The following PTPRQ variants were observed in gnomAD, a reference collection of about 807,000 sequenced individuals.
PTPRQ encodes the protein phosphatidylinositol phosphatase PTPRQ.
A neutral mutation model predicts 246.0 loss-of-function variants in PTPRQ; 199 were observed. That is an observed-to-expected ratio of 0.81 (90% confidence interval 0.72 to 0.91). PTPRQ has a LOEUF of 0.91. Among genes scored for constraint, PTPRQ ranks in the 40% least tolerant of loss-of-function variants. PTPRQ has a pLI of 0.00. For synonymous variants in PTPRQ, 869 were observed against 853.2 expected, an observed-to-expected ratio of 1.02 and a Z score of -0.32; for missense variants, 2,624 against 2,528.4, an observed-to-expected ratio of 1.04 and a Z score of -0.81.
intron 6 of PTPRQ, among the ~76,000 whole-genome samples, chr12:80,461,728 G>T (rs1376094446): frequency 6.6e-6 from 1 of 150,394 alleles, no homozygotes; most frequent in South Asian, 2.1e-4. Flanking sequence ...ACTAAAGCAT[G>T]TTTTTTCTGA....
chr12:80,466,577 G>A (rs949099898), intron 6 of PTPRQ, among the ~76,000 whole-genome samples: 4 of 152,288 alleles, frequency 2.6e-5, no homozygotes, highest in Admixed American at 6.5e-5. Flanking sequence ...GAACAAAGCT[G>A]GAGGCATCAC....
At position 80,468,727 on chromosome 12, in the gene PTPRQ, CA is replaced by C; in HGVS notation, c.932del (p.Asn311ThrfsTer3). On this transcript the variant is annotated frameshift_variant, in exon 7 of 45. Coordinates refer to ENST00000644991, the MANE Select transcript of PTPRQ (RefSeq NM_001145026.2). LOFTEE classifies it high-confidence loss of function. ...TATTTTAGTGCCTGAAGGACCACCA[CA>C]AAACTGCGTAACAGGCAACATCACA... The part of the protein sequence containing the change: ...TPESVPEGPP[Q>X]NCVTGNITGK... The C allele has an allele frequency of 6.5e-7, 1 of 1,546,384 alleles. No individual in the cohort carries two copies.
At chr12:80,461,283 C>T (rs904478527) in intron 6 of PTPRQ, among the ~76,000 whole-genome samples, 3 of 152,130 alleles carry the variant, frequency 2.0e-5, no homozygotes, top group Non-Finnish European at 4.4e-5. Flanking sequence ...ACTAGCAGAA[C>T]GAGCATGTGA....
At chr12:80,578,348 C>G (rs1384242401) in intron 25 of PTPRQ, among the ~76,000 whole-genome samples, 1 of 150,044 alleles carries the variant, frequency 6.7e-6, no homozygotes, top group Non-Finnish European at 1.5e-5. Flanking sequence ...ATTTTTTTTC[C>G]CATCCCAAAA....
chr12:80,637,960 T>C (rs1184479419), intron 35 of PTPRQ, among the ~76,000 whole-genome samples: 1 of 152,104 alleles, frequency 6.6e-6, no homozygotes, highest in Non-Finnish European at 1.5e-5. Context: ...ACTTCCATAA[T>C]TTCTCTTAAA....
chr12:80,518,921 G>GT (rs926516704), intron 17 of PTPRQ, among the ~76,000 whole-genome samples: 3 of 152,034 alleles, frequency 2.0e-5, no homozygotes, highest in African/African-American at 7.2e-5. Context: ...GATTCCTCCA[G>GT]TTTTTTCTTT....
At chr12:80,637,882 A>C (rs1899716157) in intron 35 of PTPRQ, among the ~76,000 whole-genome samples, 1 of 152,172 alleles carries the variant, frequency 6.6e-6, no homozygotes, top group Admixed American at 6.5e-5. Flanking sequence ...GAGAATCAAG[A>C]AGTCTGATTT....
chr12:80,506,548 AC>A lies in PTPRQ; in HGVS notation c.2456-19del. ...AATGATATTTTGTAAGTTTCAACTTACCTATTTGATTTCTCTTTAGTACTGA... is the reference window on the plus strand; with the variant it reads ...AATGATATTTTGTAAGTTTCAACTTACTATTTGATTTCTCTTTAGTACTGA... On this transcript the variant is annotated intron_variant, in intron 15 of 44. Transcript: ENST00000644991. 1 of 1,473,428 alleles carries A rather than the reference AC, an allele frequency of 6.8e-7. No homozygotes were observed. The highest frequency in any genetic ancestry group is 1.4e-5 in the African/African-American group (1 of 70,624). The allele number at this position is 1,473,428 out of a possible 1,614,324, so 91.3% of individuals were successfully genotyped here. A position where few individuals can be genotyped will look rare whatever the true frequency, so the allele number is the denominator to read the frequency against.
intron 3 of PTPRQ, chr12:80,454,513 G>C (rs564831858): frequency 5.7e-6 from 4 of 702,444 alleles, no homozygotes; most frequent in Admixed American, 2.0e-5. Flanking sequence ...TGTTCAATAG[G>C]ATTGGTGAGA....
intron 3 of PTPRQ, chr12:80,454,504 G>T: frequency 2.8e-6 from 2 of 702,402 alleles, no homozygotes; most frequent in Non-Finnish European, 5.2e-6. Flanking sequence ...CCAGTACTGT[G>T]TTCAATAGGA....
At chr12:80,626,167 A>T (rs11114532) in intron 33 of PTPRQ, among the ~76,000 whole-genome samples, 340 of 152,302 alleles carry the variant, frequency 2.2e-3, no homozygotes, top group Non-Finnish European at 3.9e-3. Context: ...CCAAAGGATT[A>T]CTTCCCTAAA....
chr12:80,510,221 C>G, intron 16 of PTPRQ, 102 bp from the exon 17 acceptor site: 2 of 1,199,270 alleles, frequency 1.7e-6, no homozygotes, highest in African/African-American at 1.6e-5. Context: ...GAACCTAATT[C>G]CTTTACCAGA....
intron 39 of PTPRQ, among the ~76,000 whole-genome samples, chr12:80,665,073 G>A (rs1592774262): frequency 6.6e-6 from 1 of 152,040 alleles, no homozygotes; most frequent in South Asian, 2.1e-4. Context: ...GAGGAGCAAG[G>A]AAGCCAGTCT....
chr12:80,554,340 C>A (rs544130942), intron 25 of PTPRQ, among the ~76,000 whole-genome samples: 2 of 152,048 alleles, frequency 1.3e-5, no homozygotes, highest in African/African-American at 4.8e-5. Flanking sequence ...AATACATACA[C>A]CTACTATGTA....
In PTPRQ at chr12:80,678,620, C is replaced by T. The variant is rs1901220004; in HGVS notation, c.6757C>T (p.His2253Tyr). The change falls in exon 44 of 45, where the codon CAC becomes TAC. Residue 2253 changes from histidine (H) to tyrosine (Y), a missense_variant. His to Tyr is a moderately conservative substitution (Grantham distance 83). Coordinates refer to ENST00000644991, the MANE Select transcript of PTPRQ (RefSeq NM_001145026.2). The part of the protein sequence containing the change: ...VQNLAQYIFL[H>Y]QCILDLLSNK... ...TGTCTAGGCACAGTATATCTTTTTACACCAGTGCATTCTGGATCTCTTATC... is the reference window on the plus strand; with the variant it reads ...TGTCTAGGCACAGTATATCTTTTTATACCAGTGCATTCTGGATCTCTTATC... 6.5e-7 allele frequency: 1 copy of T among 1,549,728 alleles called. No homozygotes were observed. Among genetic ancestry groups the T allele is most frequent in the South Asian group, 1.2e-5 (1 of 83,818 alleles).
chr12:80,605,985 G>A (rs1898304937), intron 27 of PTPRQ, among the ~76,000 whole-genome samples: 2 of 151,068 alleles, frequency 1.3e-5, no homozygotes, highest in Admixed American at 1.3e-4. Flanking sequence ...CAGAGGAAAT[G>A]TAGCAAGAGA....
rs1900196410 is a variant in PTPRQ at position 80,649,778 on chromosome 12, A to C, written c.6024+109A>C. ...GGCCATGAAGGACTCTGGCCTTGAT[A>C]ATCAATACCCAATTACCAGGTTGAT... On this transcript the variant is annotated intron_variant, in intron 37 of 44. Coordinates refer to ENST00000644991, the MANE Select transcript of PTPRQ (RefSeq NM_001145026.2). 3 of 1,385,604 alleles carry C rather than the reference A, an allele frequency of 2.2e-6. No individual in the cohort carries two copies. In the East Asian group the frequency reaches 8.0e-5, roughly 37 times the overall value. The allele number at this position is 1,385,604 out of a possible 1,614,324, so 85.8% of individuals were successfully genotyped here.
intron 37 of PTPRQ, among the ~76,000 whole-genome samples, chr12:80,650,882 A>G (rs1900235208): frequency 6.6e-6 from 1 of 152,092 alleles, no homozygotes. Context: ...CCATAGTTTG[A>G]AGAACTTTTT....
At position 80,664,184 on chromosome 12, in the gene PTPRQ, C is replaced by T. The variant is rs538863105; in HGVS notation, c.6193-4823C>T. Among the ~76,000 whole-genome samples the T allele has an allele frequency of 1.1e-4, 16 of 152,104 alleles. No individual in the cohort carries two copies. The South Asian group carries it at 2.9e-3, about 28-fold the overall frequency. ...CTCATGGCCACTAACCTCAAAAACA[C>T]AGCCTCCTAATCTATTCAATCTCCC... On this transcript the variant is annotated intron_variant, in intron 39 of 44. Coordinates refer to ENST00000644991, the MANE Select transcript of PTPRQ (RefSeq NM_001145026.2).
Sources: allele counts gnomAD v4.1 joint callset (sites outside exome capture counted in the v4.1 genomes callset), GRCh38; gene constraint gnomAD v4.1.1; transcripts MANE v1.5; gene names NCBI Gene and HGNC (gene_info 2026-07-23, HGNC 2026-07-21).